KNTC1: variants seen among roughly 807,000 people sequenced by gnomAD.
KNTC1 encodes kinetochore-associated protein 1.
KNTC1 carries 253 observed loss-of-function variants against 314.4 expected under a neutral mutation model. The ratio of observed to expected loss-of-function variants is 0.80; its 90% CI spans 0.73 to 0.89. KNTC1 has a LOEUF of 0.89. Among genes scored for constraint, KNTC1 ranks in the 40% least tolerant of loss-of-function variants. The pLI, the probability that KNTC1 is intolerant of heterozygous loss-of-function variation, is 0.00. For missense variants in KNTC1, 2,475 were observed against 2,572.9 expected (o/e 0.96, Z 0.82); for synonymous variants, 901 against 901.4 (o/e 1.00, Z 0.01).
rs371618629 is a variant in KNTC1 at position 122,544,222 on chromosome 12, A to G, written c.622A>G (p.Ser208Gly). 2.5e-6 allele frequency: 4 copies of G among 1,588,742 alleles called. No individual in the cohort carries two copies. In the African/African-American group the frequency reaches 4.1e-5, roughly 16 times the overall value. The change falls in exon 8 of 64, where the codon AGT becomes GGT. Residue 208 changes from serine (S) to glycine (G), a missense_variant. By Grantham distance (56) the Ser-to-Gly change is moderately conservative. Coordinates refer to ENST00000333479, the MANE Select transcript of KNTC1 (RefSeq NM_014708.6). ...AAATTATCATACTCTTGGTTGTCTC[A>G]GTCTTGTGGCTGGAGATTTAGCAAG... is the stretch of plus-strand genomic sequence containing the variant. ...TENYHTLGCLSLVAGDLASEV... is the reference protein window; with the variant it reads ...TENYHTLGCLGLVAGDLASEV...
rs77594340 is a variant in KNTC1 at position 122,600,613 on chromosome 12, T to C, written c.4564-923T>C. On this transcript the variant is annotated intron_variant, in intron 44 of 63. Transcript: ENST00000333479. ...AGGGAACTTTAATTTCAAAATCTTA[T>C]AAAATTTTGACCATACCCCTACCCT... is the stretch of plus-strand genomic sequence containing the variant. Among the ~76,000 whole-genome samples, 1,237 of 152,138 alleles carry C rather than the reference T, an allele frequency of 8.1e-3. 12 individuals carry two copies. The highest frequency in any genetic ancestry group is 0.013 in the Non-Finnish European group (884 of 67,996).
Position 122,609,365 on chromosome 12 carries a change from T to G in KNTC1, c.5497-19T>G. 6.5e-7 allele frequency: 1 copy of G among 1,538,720 alleles called. No individual in the cohort carries two copies. Among genetic ancestry groups the G allele is most frequent in the East Asian group, 2.3e-5 (1 of 43,882 alleles). ...TAAACTTTTTCAGTTTTTGACCTTT[T>G]TTTCCTACCTTTTCAAAGAAACCAT... On this transcript the variant is annotated intron_variant, in intron 51 of 63. Transcript: ENST00000333479.
Position 122,549,777 on chromosome 12 carries a change from C to G in KNTC1, c.999C>G (p.Leu333=), listed in dbSNP as rs762404532. 7.3e-6 allele frequency: 11 copies of G among 1,502,506 alleles called. No individual in the cohort carries two copies. Among genetic ancestry groups the G allele is most frequent in the Non-Finnish European group, 1.0e-5 (11 of 1,094,712 alleles). 93.1% of individuals were successfully genotyped at this position (1,502,506 alleles called of 1,614,324 possible). ...TASANKKMKN[L]MVYSLPTMEI... is the part of the protein sequence containing the mutation. ...GCTATTTTTCTTAGATGAAAAACCT[C>G]ATGGTTTATTCATTACCTACAATGG... The change falls in exon 13 of 64, where the codon CTC becomes CTG. Residue 333 remains leucine, a synonymous_variant. Coordinates refer to ENST00000333479, the MANE Select transcript of KNTC1 (RefSeq NM_014708.6).
chr12:122,609,345 T>G lies in KNTC1; in HGVS notation c.5497-39T>G, dbSNP rs146815736. On this transcript the variant is annotated intron_variant, in intron 51 of 63. Coordinates refer to ENST00000333479, the MANE Select transcript of KNTC1 (RefSeq NM_014708.6). ...GATGAATGTTTGTTTAGTCATAAACTTTTTCAGTTTTTGACCTTTTTTTCC... is the reference window on the plus strand; with the variant it reads ...GATGAATGTTTGTTTAGTCATAAACGTTTTCAGTTTTTGACCTTTTTTTCC... 4.0e-3 allele frequency: 5,325 copies of G among 1,319,134 alleles called. 59 individuals carry two copies. In the Admixed American group the frequency reaches 0.045, roughly 11 times the overall value. The allele number at this position is 1,319,134 out of a possible 1,614,324, so 81.7% of individuals were successfully genotyped here.
At chr12:122,533,571 T>C (rs1410642027) in intron 2 of KNTC1, among the ~76,000 whole-genome samples, 1 of 152,032 alleles carries the variant, frequency 6.6e-6, no homozygotes, top group Non-Finnish European at 1.5e-5. Flanking sequence ...ATGGTGTGCA[T>C]GTGTAGTCCC....
At chr12:122,534,639 TTCA>T in intron 2 of KNTC1, 22 bp from the exon 3 acceptor site, 1 of 1,582,256 alleles carries the variant, frequency 6.3e-7, no homozygotes, top group Non-Finnish European at 8.6e-7. Context: ...TGTTTGAATT[TTCA>T]TCATGCTTTT....
intron 20 of KNTC1, among the ~76,000 whole-genome samples, chr12:122,567,787 G>A (rs1011539473): frequency 6.6e-5 from 10 of 152,042 alleles, no homozygotes; most frequent in Non-Finnish European, 2.9e-5. Context: ...GCAGTGAGCC[G>A]AGATTGTGCC....
intron 24 of KNTC1, 83 bp downstream of exon 24, chr12:122,571,209 A>G (rs1964661234): frequency 2.1e-6 from 2 of 965,778 alleles, no homozygotes; most frequent in Non-Finnish European, 3.1e-6. Flanking sequence ...AAGTATCTGG[A>G]AATATATCTA....
At chr12:122,531,502 C>T (rs1961320833) in intron 2 of KNTC1, among the ~76,000 whole-genome samples, 1 of 151,838 alleles carries the variant, frequency 6.6e-6, no homozygotes, top group Non-Finnish European at 1.5e-5. Flanking sequence ...CTGATTTGTA[C>T]CGCTTTAAAT....
intron 43 of KNTC1, chr12:122,597,206 C>T (rs1193457890): frequency 1.4e-5 from 2 of 147,520 alleles, no homozygotes; most frequent in Non-Finnish European, 2.9e-5. Context: ...CTCCAATATT[C>T]TAACAGTTTA....
At chr12:122,614,937 C>T in intron 55 of KNTC1, 54 bp from the exon 56 acceptor site, 1 of 1,271,330 alleles carries the variant, frequency 7.9e-7, no homozygotes, top group Non-Finnish European at 1.1e-6. Flanking sequence ...CCAAAGATGG[C>T]TTGATTTACT....
chr12:122,551,739 G>C, intron 16 of KNTC1, 43 bp downstream of exon 16: 3 of 1,407,914 alleles, frequency 2.1e-6, no homozygotes, highest in Non-Finnish European at 3.0e-6. Context: ...CAAGCATTTC[G>C]TCATGGGCTA....
At chr12:122,534,872 C>T in intron 3 of KNTC1, 88 bp downstream of exon 3, 1 of 1,262,384 alleles carries the variant, frequency 7.9e-7, no homozygotes, top group South Asian at 1.3e-5. Flanking sequence ...CCTCTTTACT[C>T]CATTATTTCT....
At chr12:122,552,818 G>A (rs1394256950) in intron 16 of KNTC1, among the ~76,000 whole-genome samples, 2 of 152,100 alleles carry the variant, frequency 1.3e-5, no homozygotes, top group Non-Finnish European at 2.9e-5. Context: ...CCTGAACCAG[G>A]GCAATGAAGT....
intron 62 of KNTC1, among the ~76,000 whole-genome samples, chr12:122,622,809 A>G (rs751084952): frequency 6.6e-6 from 1 of 152,044 alleles, no homozygotes; most frequent in Non-Finnish European, 1.5e-5. Flanking sequence ...TTAGCCGGGC[A>G]TGGTGGCACA....
chr12:122,546,832 ATTT>A (rs200482729), intron 10 of KNTC1, among the ~76,000 whole-genome samples, 158 bp downstream of exon 10: 102 of 137,466 alleles, frequency 7.4e-4, no homozygotes, highest in African/African-American at 2.5e-3. Context: ...CTGAAATGTA[ATTT>A]TTTTTTTTTT....
At chr12:122,594,455 A>C in intron 43 of KNTC1, 70 bp downstream of exon 43, 1 of 867,610 alleles carries the variant, frequency 1.2e-6, no homozygotes, top group Non-Finnish European at 1.9e-6. Flanking sequence ...GAACACAGTA[A>C]TAACGATGAT....
chr12:122,606,018 T>A (rs61244464), intron 51 of KNTC1, among the ~76,000 whole-genome samples: 1 of 150,576 alleles, frequency 6.6e-6, no homozygotes, highest in Non-Finnish European at 1.5e-5. Flanking sequence ...AATGTTTTGT[T>A]TTTTTTGTTT....
intron 62 of KNTC1, among the ~76,000 whole-genome samples, chr12:122,623,319 C>T (rs1874638519): frequency 6.6e-6 from 1 of 152,150 alleles, no homozygotes; most frequent in African/African-American, 2.4e-5. Context: ...GATATGGAAA[C>T]TGAACGGGAG....
Sources: gnomAD v4.1 joint callset for allele counts (sites outside exome capture counted in the v4.1 genomes callset) on GRCh38, gnomAD v4.1.1 for gene constraint, MANE v1.5 for transcripts, NCBI Gene and HGNC (gene_info 2026-07-23, HGNC 2026-07-21) for gene names.